Variants in GALNT18 observed in about 807,000 individuals in gnomAD.
GALNT18 encodes polypeptide N-acetylgalactosaminyltransferase 18, also known as GalNAc-transferase 18.
A neutral mutation model predicts 69.5 loss-of-function variants in GALNT18; 44 were observed. The ratio of observed to expected loss-of-function variants is 0.63; its 90% CI spans 0.50 to 0.81. The LOEUF is 0.81. Among genes scored for constraint, GALNT18 ranks in the 40% least tolerant of loss-of-function variants. GALNT18 has a pLI of 0.00. For missense variants in GALNT18, 715 were observed against 810.0 expected (o/e 0.88, Z 1.42); for synonymous variants, 364 against 318.2 (o/e 1.14, Z -1.53).
intron 1 of GALNT18, among the ~76,000 whole-genome samples, chr11:11,594,121 G>A (rs1441907451): frequency 6.6e-6 from 1 of 152,220 alleles, no homozygotes; most frequent in Non-Finnish European, 1.5e-5. Flanking sequence ...AGAAAGCACA[G>A]TATTTTTTTA....
At chr11:11,370,582 A>C (rs1850877631) in intron 6 of GALNT18, among the ~76,000 whole-genome samples, 1 of 112,934 alleles carries the variant, frequency 8.9e-6, no homozygotes. Context: ...GAGAGAAGAG[A>C]TGGAGGAAAA....
rs1169594012 is a variant in GALNT18 at position 11,602,150 on chromosome 11, C to T, written c.235+19209G>A. Among the ~76,000 whole-genome samples the T allele has an allele frequency of 6.6e-6, 1 of 152,182 alleles. No homozygotes were observed. Among genetic ancestry groups the T allele is most frequent in the East Asian group, 1.9e-4 (1 of 5,190 alleles). On this transcript the variant is annotated intron_variant, in intron 1 of 10. Transcript: ENST00000227756. This position sits in a 1 kb window ranked among gnomAD's most constrained non-coding sequence, Gnocchi z 4.7. The stretch of plus-strand genomic sequence containing the variant: ...GCTCTGGAGTTGTAAGTAGGAATAG[C>T]AGCCTAATTCTTTCTCCCAGAGTGA...
chr11:11,426,919 G>A (rs1329665899), intron 3 of GALNT18, among the ~76,000 whole-genome samples: 1 of 152,192 alleles, frequency 6.6e-6, no homozygotes, highest in Non-Finnish European at 1.5e-5. Context: ...GGCATGCCTG[G>A]TATGAATCTC....
intron 1 of GALNT18, among the ~76,000 whole-genome samples, chr11:11,527,479 T>G (rs1233902289): frequency 6.6e-6 from 1 of 152,160 alleles, no homozygotes; most frequent in East Asian, 1.9e-4. Flanking sequence ...CCTAAGTAAA[T>G]GTCCACATGA....
At chr11:11,274,312 C>T (rs114338210) in intron 10 of GALNT18, among the ~76,000 whole-genome samples, 2,716 of 152,192 alleles carry the variant, frequency 0.018, 100 homozygotes, top group African/African-American at 0.061. Flanking sequence ...TCTCAATACC[C>T]CAGTGGCACC....
intron 10 of GALNT18, among the ~76,000 whole-genome samples, chr11:11,289,825 A>G (rs1029298071): frequency 2.0e-5 from 3 of 152,188 alleles, no homozygotes; most frequent in African/African-American, 4.8e-5. Context: ...CTCTCAGGCC[A>G]TGTGATCTTG....
intron 10 of GALNT18, among the ~76,000 whole-genome samples, chr11:11,281,095 G>T (rs529337279): frequency 1.3e-5 from 2 of 152,202 alleles, no homozygotes; most frequent in African/African-American, 4.8e-5. Flanking sequence ...CAGCCCAGTG[G>T]TTTGTCTTCC....
chr11:11,562,148 T>C lies in GALNT18; in HGVS notation c.235+59211A>G, dbSNP rs1042495930. Among the ~76,000 whole-genome samples the C allele has an allele frequency of 2.0e-5, 3 of 152,238 alleles. No individual in the cohort carries two copies. The highest frequency in any genetic ancestry group is 7.2e-5 in the African/African-American group (3 of 41,452). The stretch of plus-strand genomic sequence containing the variant: ...GACTGGGTGCCTTCAACAACAGATA[T>C]TCATTCTCTCACAGTTCTGGGAGCT... On this transcript the variant is annotated intron_variant, in intron 1 of 10. Coordinates refer to ENST00000227756, the MANE Select transcript of GALNT18 (RefSeq NM_198516.3). This position sits in a 1 kb window ranked among gnomAD's most constrained non-coding sequence, Gnocchi z 4.1.
chr11:11,504,172 G>T (rs994656682), intron 1 of GALNT18, among the ~76,000 whole-genome samples: 1 of 152,190 alleles, frequency 6.6e-6, no homozygotes, highest in Non-Finnish European at 1.5e-5. Context: ...CATAGTAAGT[G>T]CTCAGTAAGT....
chr11:11,325,365 G>T (rs1053584131), intron 9 of GALNT18, among the ~76,000 whole-genome samples: 7 of 152,142 alleles, frequency 4.6e-5, no homozygotes, highest in African/African-American at 1.7e-4. Flanking sequence ...AGCAGGGAAG[G>T]TTGGGAGGAG....
At chr11:11,537,048 T>C (rs1276297717) in intron 1 of GALNT18, among the ~76,000 whole-genome samples, 1 of 152,190 alleles carries the variant, frequency 6.6e-6, no homozygotes, top group Non-Finnish European at 1.5e-5. Context: ...TATATAAAAA[T>C]GAATATACTG....
At position 11,596,768 on chromosome 11, in the gene GALNT18, A is replaced by C. The variant is rs1301694115; in HGVS notation, c.235+24591T>G. 6.6e-6 allele frequency among the ~76,000 whole-genome samples: 1 copy of C among 152,174 alleles called. No individual in the cohort carries two copies. Among genetic ancestry groups the C allele is most frequent in the Non-Finnish European group, 1.5e-5 (1 of 68,004 alleles). On this transcript the variant is annotated intron_variant, in intron 1 of 10. Transcript: ENST00000227756. This position sits in a 1 kb window ranked among gnomAD's most constrained non-coding sequence, Gnocchi z 4.2. ...ACTGATTTTTAGTGGATTCCCTAGG[A>C]TACATGATTATGTCATCTGCAAACA...
chr11:11,327,360 G>A (rs1316035262), intron 8 of GALNT18, among the ~76,000 whole-genome samples, 179 bp from the exon 9 acceptor site: 1 of 152,236 alleles, frequency 6.6e-6, no homozygotes, highest in Non-Finnish European at 1.5e-5. Context: ...AGGTGCTGAG[G>A]GGAGACCAGC....
intron 1 of GALNT18, among the ~76,000 whole-genome samples, chr11:11,547,510 C>G (rs565108199): frequency 3.2e-4 from 48 of 152,332 alleles, no homozygotes; most frequent in Non-Finnish European, 6.2e-4. Context: ...GCCAGGCATG[C>G]GTCCCTCCCC....
intron 3 of GALNT18, among the ~76,000 whole-genome samples, chr11:11,394,602 G>T (rs1854279213): frequency 6.6e-6 from 1 of 152,170 alleles, no homozygotes; most frequent in Admixed American, 6.5e-5. Context: ...AGGAGGTGAG[G>T]TTTTTGTTTT....
chr11:11,607,876 A>G (rs922225248), intron 1 of GALNT18, among the ~76,000 whole-genome samples: 2 of 152,258 alleles, frequency 1.3e-5, no homozygotes, highest in African/African-American at 4.8e-5. Context: ...TTCAACCAAC[A>G]TAGCACATTC....
intron 3 of GALNT18, among the ~76,000 whole-genome samples, chr11:11,388,457 AAC>A (rs1854104236): frequency 6.6e-6 from 1 of 152,242 alleles, no homozygotes; most frequent in Non-Finnish European, 1.5e-5. Context: ...ACCAAAGTTT[AAC>A]ACAGTCTCCC....
chr11:11,599,691 T>C (rs1859588256), intron 1 of GALNT18, among the ~76,000 whole-genome samples: 1 of 152,036 alleles, frequency 6.6e-6, no homozygotes. Flanking sequence ...CCTTAGTTTC[T>C]TGTGCACTAA....
intron 1 of GALNT18, among the ~76,000 whole-genome samples, chr11:11,589,941 A>G (rs1054062789): frequency 5.3e-5 from 8 of 152,244 alleles, no homozygotes; most frequent in African/African-American, 1.9e-4. Context: ...TGAGCCAGCC[A>G]TTAAAGGAGT....
Sources: allele counts gnomAD v4.1 joint callset (sites outside exome capture counted in the v4.1 genomes callset), GRCh38; gene constraint gnomAD v4.1.1; non-coding constraint Gnocchi (gnomAD v3.1); transcripts MANE v1.5; gene names NCBI Gene and HGNC (gene_info 2026-07-23, HGNC 2026-07-21).